CDK17: variants seen among roughly 807,000 people sequenced by gnomAD.
CDK17 encodes the protein cyclin-dependent kinase 17.
CDK17 carries 24 observed loss-of-function variants against 77.6 expected under a neutral mutation model. That is an observed-to-expected ratio of 0.31 (90% confidence interval 0.22 to 0.44). The LOEUF (loss-of-function observed/expected upper bound fraction) is 0.44. CDK17 is among the 20% of genes least tolerant of loss of function. The probability of loss-of-function intolerance (pLI) is 1.00; values close to 1 mark genes in which losing one functional copy is unlikely to be tolerated. For synonymous variants in CDK17, 203 were observed against 210.4 expected (o/e 0.96, Z 0.30); for missense variants, 429 against 622.5 (o/e 0.69, Z 3.31).
intron 14 of CDK17, 29 bp downstream of exon 14, chr12:96,283,574 T>C: frequency 7.0e-7 from 1 of 1,432,340 alleles, no homozygotes; most frequent in Non-Finnish European, 9.8e-7. Flanking sequence ...TAACAACCTA[T>C]TTAACAATTA....
intron 2 of CDK17, among the ~76,000 whole-genome samples, chr12:96,330,619 G>A (rs924632158): frequency 2.0e-5 from 3 of 152,276 alleles, no homozygotes; most frequent in Non-Finnish European, 4.4e-5. Flanking sequence ...TGGAATCATA[G>A]AGTATTTTGG....
intron 2 of CDK17, among the ~76,000 whole-genome samples, chr12:96,333,591 T>C (rs754841429): frequency 1.3e-5 from 2 of 151,608 alleles, no homozygotes; most frequent in East Asian, 1.9e-4. Context: ...GGAGAATCAC[T>C]TGAACCCAGG....
intron 1 of CDK17, among the ~76,000 whole-genome samples, chr12:96,397,928 A>G (rs1954197354): frequency 2.6e-5 from 4 of 152,208 alleles, no homozygotes; most frequent in African/African-American, 9.6e-5. Context: ...CTCTTCCACA[A>G]TGTTTGTATG....
chr12:96,342,767 C>T (rs1197456945), intron 1 of CDK17, among the ~76,000 whole-genome samples: 1 of 152,024 alleles, frequency 6.6e-6, no homozygotes, highest in Non-Finnish European at 1.5e-5. Flanking sequence ...GAGTTCAAGA[C>T]CGCCTGATCA....
chr12:96,396,387 T>C (rs1054010892), intron 1 of CDK17, among the ~76,000 whole-genome samples: 1 of 152,190 alleles, frequency 6.6e-6, no homozygotes, highest in Non-Finnish European at 1.5e-5. Context: ...ACTGGTCCTC[T>C]CCCCATCAGT....
chr12:96,367,154 C>G (rs1953599310), intron 1 of CDK17, among the ~76,000 whole-genome samples: 1 of 151,298 alleles, frequency 6.6e-6, no homozygotes, highest in Non-Finnish European at 1.5e-5. Context: ...ACCAGCCTGG[C>G]CAATATGGTG....
intron 3 of CDK17, among the ~76,000 whole-genome samples, chr12:96,322,424 A>G (rs150176133): frequency 6.6e-6 from 1 of 152,114 alleles, no homozygotes; most frequent in East Asian, 1.9e-4. Context: ...ATTATTAAAC[A>G]GAGAAGAATA....
chr12:96,320,109 A>G (rs1336975559), intron 3 of CDK17, among the ~76,000 whole-genome samples: 1 of 151,618 alleles, frequency 6.6e-6, no homozygotes, highest in Non-Finnish European at 1.5e-5. Flanking sequence ...CTCAGGATAC[A>G]AAATCAATGT....
chr12:96,317,865 C>G (rs985692702), intron 3 of CDK17, among the ~76,000 whole-genome samples: 3 of 149,422 alleles, frequency 2.0e-5, no homozygotes, highest in Non-Finnish European at 4.5e-5. Flanking sequence ...TAAAGACCAT[C>G]GAGACTAGGA....
Position 96,313,468 on chromosome 12 carries a change from T to C in CDK17, c.284-14A>G. On this transcript the variant is annotated splice_polypyrimidine_tract_variant and intron_variant, in intron 3 of 16. Coordinates refer to ENST00000261211, the MANE Select transcript of CDK17 (RefSeq NM_002595.5). ...CATGAACAATATCTATATCAAAAAA[T>C]GAGACATTAAAAGAGATACATTATA... The C allele has an allele frequency of 6.8e-7, 1 of 1,472,450 alleles. No individual in the cohort carries two copies. The highest frequency in any genetic ancestry group is 9.2e-7 in the Non-Finnish European group (1 of 1,090,012). The allele number at this position is 1,472,450 out of a possible 1,614,324, so 91.2% of individuals were successfully genotyped here.
intron 1 of CDK17, chr12:96,335,129 A>G: frequency 2.1e-6 from 1 of 484,166 alleles, no homozygotes; most frequent in Non-Finnish European, 3.8e-6. Context: ...GTTTAGAAGG[A>G]TTGGAAATTT....
intron 3 of CDK17, among the ~76,000 whole-genome samples, chr12:96,314,497 T>G (rs10745753): frequency 0.44 from 66,645 of 151,978 alleles, 15,658 homozygotes; most frequent in African/African-American, 0.59. Context: ...TATATCCTAC[T>G]GCTCAAGGTC....
intron 2 of CDK17, among the ~76,000 whole-genome samples, chr12:96,330,662 A>G (rs949500133): frequency 6.6e-6 from 1 of 152,256 alleles, no homozygotes; most frequent in Admixed American, 6.5e-5. Flanking sequence ...AAGTTCATCT[A>G]TGCTACAGCA....
intron 2 of CDK17, among the ~76,000 whole-genome samples, chr12:96,333,336 A>G (rs1040561638): frequency 6.6e-6 from 1 of 152,002 alleles, no homozygotes; most frequent in Non-Finnish European, 1.5e-5. Context: ...TAAATTTCCT[A>G]CTGAGCCCAT....
chr12:96,386,275 C>T (rs1013827348), intron 1 of CDK17, among the ~76,000 whole-genome samples: 1 of 152,188 alleles, frequency 6.6e-6, no homozygotes, highest in East Asian at 1.9e-4. Flanking sequence ...GGATTACAGA[C>T]GTGAGCCACT....
intron 1 of CDK17, among the ~76,000 whole-genome samples, chr12:96,355,800 T>C (rs1307447465): frequency 6.6e-6 from 1 of 152,226 alleles, no homozygotes; most frequent in African/African-American, 2.4e-5. Flanking sequence ...CCTCAGCATT[T>C]AGAACAAATC....
At chr12:96,352,285 T>A (rs950149309) in intron 1 of CDK17, among the ~76,000 whole-genome samples, 6 of 151,932 alleles carry the variant, frequency 3.9e-5, no homozygotes, top group African/African-American at 1.5e-4. Flanking sequence ...AAACCCCTGT[T>A]CAAGTGGCAC....
chr12:96,373,401 T>C (rs779489635), intron 1 of CDK17, among the ~76,000 whole-genome samples: 1 of 150,712 alleles, frequency 6.6e-6, no homozygotes, highest in Non-Finnish European at 1.5e-5. Context: ...GATATCAGCC[T>C]GGCCAACATG....
intron 1 of CDK17, among the ~76,000 whole-genome samples, chr12:96,338,653 A>T (rs1212555769): frequency 7.2e-5 from 11 of 152,084 alleles, no homozygotes; most frequent in Admixed American, 5.9e-4. Context: ...GGCCTCTCAA[A>T]GTGCTGGGAT....
Sources: gnomAD v4.1 joint callset for allele counts (sites outside exome capture counted in the v4.1 genomes callset) on GRCh38, gnomAD v4.1.1 for gene constraint, MANE v1.5 for transcripts, NCBI Gene and HGNC (gene_info 2026-07-23, HGNC 2026-07-21) for gene names.